ITPRID1: variants seen among roughly 807,000 people sequenced by gnomAD.
ITPRID1 encodes the protein ITPR interacting domain containing 1, also known as protein ITPRID1.
A neutral mutation model predicts 95.4 loss-of-function variants in ITPRID1; 96 were observed. The observed-to-expected ratio is 1.01, with a 90% CI of 0.85 to 1.19. The LOEUF is 1.19. Among genes scored for constraint, ITPRID1 ranks in the 50% most tolerant of loss-of-function variants. The probability of loss-of-function intolerance (pLI) is 0.00; values close to 1 mark genes in which losing one functional copy is unlikely to be tolerated. For missense variants in ITPRID1, 1,339 were observed against 1,252.9 expected, an observed-to-expected ratio of 1.07 and a Z score of -1.04; for synonymous variants, 510 against 453.6, an observed-to-expected ratio of 1.12 and a Z score of -1.58.
chr7:31,526,300 G>C (rs1377029530), intron 1 of ITPRID1, among the ~76,000 whole-genome samples: 1 of 152,202 alleles, frequency 6.6e-6, no homozygotes, highest in Non-Finnish European at 1.5e-5. Context: ...TTCAACTTAT[G>C]ATGGGTTTAT....
rs747283621 is a variant in ITPRID1 at position 31,651,969 on chromosome 7, T to G, written c.2742T>G (p.Arg914=). 1.2e-5 allele frequency: 19 copies of G among 1,603,440 alleles called. No individual in the cohort carries two copies. The highest frequency in any genetic ancestry group is 1.6e-5 in the Non-Finnish European group (19 of 1,175,126). ...AGGCCGAGCAACTGCAAACGTTACG[T>G]GAGGCCCTGAGGCAGCAGGTGGCAG... ...REEAEQLQTL[R]EALRQQVAEL... Residue 914 remains arginine, a synonymous_variant, in exon 14 of 15, where the codon CGT becomes CGG. Transcript: ENST00000615280.
chr7:31,598,651 C>T (rs576658239), intron 10 of ITPRID1, among the ~76,000 whole-genome samples: 4 of 152,172 alleles, frequency 2.6e-5, no homozygotes, highest in South Asian at 2.1e-4. Context: ...GATCCGCCCG[C>T]CTTGGCCTCC....
intron 10 of ITPRID1, among the ~76,000 whole-genome samples, chr7:31,615,043 T>G (rs573632552): frequency 6.6e-6 from 1 of 152,252 alleles, no homozygotes; most frequent in East Asian, 1.9e-4. Context: ...TCAGTTTAAT[T>G]TTATAGTAAT....
chr7:31,636,256 A>G (rs1443413053), intron 10 of ITPRID1, among the ~76,000 whole-genome samples: 2 of 152,186 alleles, frequency 1.3e-5, no homozygotes, highest in African/African-American at 4.8e-5. Context: ...CAGCTATGCC[A>G]TATCAACCAG....
chr7:31,577,889 G>T lies in ITPRID1; in HGVS notation c.625G>T (p.Asp209Tyr). 6.2e-7 allele frequency: 1 copy of T among 1,606,724 alleles called. No homozygotes were observed. The highest frequency in any genetic ancestry group is 8.5e-7 in the Non-Finnish European group (1 of 1,176,270). The change falls in exon 9 of 15, where the codon GAC becomes TAC. Residue 209 changes from aspartate (D) to tyrosine (Y), a missense_variant. Physicochemically the swap from Asp to Tyr is radical, Grantham distance 160. Transcript: ENST00000615280. Reference protein sequence around the residue: ...YGRFRQLEILDHVTNAFSSLL... With the variant: ...YGRFRQLEILYHVTNAFSSLL... ...TCGTTTCCGACAGCTGGAAATCCTG[G>T]ACCATGTGACCAATGCCTTCTCATC...
intron 1 of ITPRID1, among the ~76,000 whole-genome samples, chr7:31,546,467 G>A (rs1337986479): frequency 6.6e-6 from 1 of 151,944 alleles, no homozygotes; most frequent in Non-Finnish European, 1.5e-5. Context: ...GTGTCTGTGT[G>A]TGTATAATCT....
chr7:31,647,832 T>C (rs1443628158), intron 12 of ITPRID1, among the ~76,000 whole-genome samples: 1 of 152,108 alleles, frequency 6.6e-6, no homozygotes, highest in Non-Finnish European at 1.5e-5. Context: ...AATATAGCAA[T>C]ATATAACACT....
chr7:31,524,830 G>A (rs1214760047), intron 1 of ITPRID1, among the ~76,000 whole-genome samples: 1 of 152,164 alleles, frequency 6.6e-6, no homozygotes, highest in Admixed American at 6.5e-5. Flanking sequence ...TACAAAGAGA[G>A]TTCCTTAATT....
intron 1 of ITPRID1, among the ~76,000 whole-genome samples, chr7:31,522,605 A>G (rs1378029518): frequency 1.3e-5 from 2 of 152,192 alleles, no homozygotes; most frequent in Admixed American, 1.3e-4. Flanking sequence ...CTTTTTACCC[A>G]GTATCAGTCT....
At chr7:31,628,954 A>C (rs1788746255) in intron 10 of ITPRID1, among the ~76,000 whole-genome samples, 1 of 152,234 alleles carries the variant, frequency 6.6e-6, no homozygotes, top group African/African-American at 2.4e-5. Flanking sequence ...AAAAACAAAA[A>C]AACATTTGGA....
At chr7:31,538,251 C>T (rs1562555015) in intron 1 of ITPRID1, among the ~76,000 whole-genome samples, 2 of 152,080 alleles carry the variant, frequency 1.3e-5, no homozygotes, top group African/African-American at 4.8e-5. Context: ...CACACACACA[C>T]ACGTGCGCAT....
chr7:31,650,903 C>A (rs1790884684), intron 12 of ITPRID1, among the ~76,000 whole-genome samples: 1 of 152,164 alleles, frequency 6.6e-6, no homozygotes, highest in African/African-American at 2.4e-5. Flanking sequence ...CTCTGGGACA[C>A]AATGATTGTC....
At chr7:31,650,940 C>T (rs553551901) in intron 12 of ITPRID1, among the ~76,000 whole-genome samples, 2 of 152,282 alleles carry the variant, frequency 1.3e-5, no homozygotes, top group Admixed American at 6.5e-5. Context: ...ACAACAGCTG[C>T]CCTTCTGTTG....
chr7:31,599,634 TTTCTTTCTTTCTTTTTCTTTCTTTC>T (rs1562598734), intron 10 of ITPRID1, among the ~76,000 whole-genome samples: 16,370 of 93,438 alleles, frequency 0.18, 2,014 homozygotes, highest in East Asian at 0.24. Flanking sequence ...TCTTTCTTTC[TTTCTTTCTTTCTTTTTCTTTCTTTC>T]CTTTCTCTCT....
intron 10 of ITPRID1, among the ~76,000 whole-genome samples, chr7:31,584,781 G>A (rs1375226706): frequency 6.6e-6 from 1 of 152,234 alleles, no homozygotes; most frequent in Non-Finnish European, 1.5e-5. Flanking sequence ...TGATAACTGT[G>A]TGTGTAATCA....
Position 31,578,257 on chromosome 7 carries a change from T to C in ITPRID1, c.993T>C (p.Gly331=), listed in dbSNP as rs769202065. 6.2e-7 allele frequency: 1 copy of C among 1,613,922 alleles called. No homozygotes were observed. ...ATTTGCTACCTTATCCTCCTCATGGTCTTCTGAGCAAGCAGTGGCCTTGCT... is the reference window on the plus strand; with the variant it reads ...ATTTGCTACCTTATCCTCCTCATGGCCTTCTGAGCAAGCAGTGGCCTTGCT... The part of the protein sequence containing the change: ...CDDLLPYPPH[G]LLSKQWPCSS... Residue 331 remains glycine, a synonymous_variant, in exon 9 of 15, where the codon GGT becomes GGC. Coordinates refer to ENST00000615280, the MANE Select transcript of ITPRID1 (RefSeq NM_001257967.3).
intron 10 of ITPRID1, among the ~76,000 whole-genome samples, chr7:31,583,702 C>T (rs1785489095): frequency 6.6e-6 from 1 of 152,098 alleles, no homozygotes; most frequent in African/African-American, 2.4e-5. Flanking sequence ...ACCACAGAAA[C>T]GTTCAATATT....
intron 10 of ITPRID1, among the ~76,000 whole-genome samples, chr7:31,598,579 A>AT (rs1583552904): frequency 6.6e-6 from 1 of 151,366 alleles, no homozygotes; most frequent in Non-Finnish European, 1.5e-5. Context: ...ACTTTTTTGT[A>AT]TTTTTAGTAG....
intron 10 of ITPRID1, among the ~76,000 whole-genome samples, chr7:31,628,448 C>CTT (rs113407332): frequency 0.019 from 2,658 of 143,258 alleles, 90 homozygotes; most frequent in African/African-American, 0.066. Context: ...AGCGTGATTC[C>CTT]TTTTTTTTTT....
Sources: allele counts gnomAD v4.1 joint callset (sites outside exome capture counted in the v4.1 genomes callset), GRCh38; gene constraint gnomAD v4.1.1; transcripts MANE v1.5; gene names NCBI Gene and HGNC (gene_info 2026-07-23, HGNC 2026-07-21).